The following RFC1 variants were observed in gnomAD, a reference collection of about 807,000 sequenced individuals.
The protein encoded by RFC1 is A1 140 kDa subunit.
Under a neutral mutation model 137.4 loss-of-function variants are expected in RFC1, and 37 were observed. That is an observed-to-expected ratio of 0.27 (90% CI 0.21 to 0.35). The LOEUF (loss-of-function observed/expected upper bound fraction) is 0.35, where lower values mean the gene tolerates loss of function less well. Among genes scored for constraint, RFC1 ranks in the 10% least tolerant of loss-of-function variants. The pLI is 1.00. For synonymous variants in RFC1, 429 were observed against 455.7 expected (o/e 0.94, Z 0.75); for missense variants, 1,205 against 1,358.5 (o/e 0.89, Z 1.78).
intron 4 of RFC1, among the ~76,000 whole-genome samples, chr4:39,330,019 G>A (rs984800129): frequency 3.9e-5 from 6 of 152,038 alleles, no homozygotes; most frequent in Non-Finnish European, 8.8e-5. Flanking sequence ...GGGCGACAGA[G>A]TGAGACTCCC....
intron 1 of RFC1, among the ~76,000 whole-genome samples, chr4:39,365,153 GA>G (rs745527928): frequency 0.071 from 5,638 of 79,814 alleles, 246 homozygotes; most frequent in African/African-American, 0.23. Context: ...GGGTTGAAAT[GA>G]AAAAAAAAAA....
rs750891104 is a variant in RFC1 at position 39,303,661 on chromosome 4, C to T, written c.2111-510G>A. On this transcript the variant is annotated intron_variant, in intron 15 of 24. Coordinates refer to ENST00000349703, the MANE Select transcript of RFC1 (RefSeq NM_002913.5). ...TAGAGACGGTGTTTCACCATGTTGA[C>T]CAGGCTGGTCTCAAACTCCTGACCT... 1.7e-3 allele frequency among the ~76,000 whole-genome samples: 254 copies of T among 152,332 alleles called. 1 individual carries two copies. Among genetic ancestry groups the T allele is most frequent in the Non-Finnish European group, 2.9e-3 (195 of 68,036 alleles).
In RFC1 at chr4:39,351,364, C is replaced by G. The variant is rs771976617; in HGVS notation, c.116G>C (p.Gly39Ala). The G allele has an allele frequency of 1.3e-6, 2 of 1,533,934 alleles. No individual in the cohort carries two copies. The highest frequency in any genetic ancestry group is 8.7e-7 in the Non-Finnish European group (1 of 1,145,430). ...AAAACTAACCTTGATTTCCTTTATT[C>G]CTTTCTTTGCTTTTAAAGTTTCTTC... ...SDEETLKAKKGIKEIKVNSSR... is the reference protein window; with the variant it reads ...SDEETLKAKKAIKEIKVNSSR... The change falls in exon 2 of 25, where the codon GGA (glycine) becomes GCA (alanine). Residue 39 changes from glycine (G) to alanine (A), a missense_variant. Around this residue, in one of 3 missense-constraint regions of RFC1, gnomAD observed 962 missense variants for 1,035.3 expected, o/e 0.93. Coordinates refer to ENST00000349703, the MANE Select transcript of RFC1 (RefSeq NM_002913.5).
chr4:39,299,847 A>G (rs1275616570), intron 21 of RFC1, among the ~76,000 whole-genome samples, 174 bp downstream of exon 21: 1 of 152,032 alleles, frequency 6.6e-6, no homozygotes, highest in African/African-American at 2.4e-5. Context: ...CCCGGGAGGC[A>G]GAGGCTCCAG....
chr4:39,302,213 G>A (rs1215970244), intron 19 of RFC1, 65 bp downstream of exon 19: 37 of 964,184 alleles, frequency 3.8e-5, no homozygotes, highest in Non-Finnish European at 5.9e-5. Flanking sequence ...CTTCTATCAA[G>A]CTACCTACAG....
At chr4:39,339,367 T>C (rs541475492) in intron 4 of RFC1, among the ~76,000 whole-genome samples, 1 of 152,162 alleles carries the variant, frequency 6.6e-6, no homozygotes, top group Non-Finnish European at 1.5e-5. Context: ...CCACCAATGG[T>C]GTATAGGTTC....
chr4:39,308,241 C>T (rs1738783972), intron 13 of RFC1, among the ~76,000 whole-genome samples: 1 of 152,156 alleles, frequency 6.6e-6, no homozygotes, highest in Admixed American at 6.5e-5. Flanking sequence ...ACCCAACACT[C>T]ATCTCTCCCT....
At chr4:39,317,307 T>A (rs1006941267) in intron 9 of RFC1, among the ~76,000 whole-genome samples, 1 of 152,204 alleles carries the variant, frequency 6.6e-6, no homozygotes, top group Non-Finnish European at 1.5e-5. Context: ...ATGCAAAAAG[T>A]GTTTTACTTT....
At chr4:39,347,955 A>G (rs906182593) in intron 2 of RFC1, among the ~76,000 whole-genome samples, 4 of 152,194 alleles carry the variant, frequency 2.6e-5, no homozygotes, top group African/African-American at 9.7e-5. Context: ...ATGAAATCAG[A>G]TATTTAGCTG....
At chr4:39,342,243 A>G in intron 4 of RFC1, 102 bp downstream of exon 4, 1 of 1,320,306 alleles carries the variant, frequency 7.6e-7, no homozygotes, top group Non-Finnish European at 1.0e-6. Flanking sequence ...GCAAAAAGGC[A>G]GTAGAAATTC....
intron 10 of RFC1, among the ~76,000 whole-genome samples, chr4:39,313,621 G>T (rs1396497398): frequency 6.6e-6 from 1 of 152,144 alleles, no homozygotes; most frequent in Non-Finnish European, 1.5e-5. Context: ...GGATTGTGGT[G>T]TGGCATATCT....
At position 39,302,305 on chromosome 4, in the gene RFC1, A is replaced by G. The variant is rs2066782; in HGVS notation, c.2508T>C (p.Ser836=). Residue 836 remains serine (S), a synonymous_variant, in exon 19 of 25, where the codon TCT becomes TCC. Transcript: ENST00000349703. ...ALTYDQAKAD[S]HRAKKDIKMG... is the part of the protein sequence containing the mutation. ...TTTTGATATCCTTTTTGGCTCTGTG[A>G]GAATCAGCTTTGGCCTGGTCATAGG... 0.12 allele frequency: 196,643 copies of G among 1,610,082 alleles called. 13,053 individuals are homozygous for G. Among genetic ancestry groups the G allele is most frequent in the East Asian group, 0.17 (7,765 of 44,812 alleles).
At chr4:39,332,031 GTT>G (rs1423030972) in intron 4 of RFC1, among the ~76,000 whole-genome samples, 1 of 152,194 alleles carries the variant, frequency 6.6e-6, no homozygotes, top group African/African-American at 2.4e-5. Flanking sequence ...ATAAAGGGCA[GTT>G]TCCCTGCACA....
chr4:39,359,272 C>T (rs953493291), intron 1 of RFC1, among the ~76,000 whole-genome samples: 78 of 152,142 alleles, frequency 5.1e-4, no homozygotes, highest in African/African-American at 1.8e-3. Context: ...CACTCTGTGC[C>T]ATGCAATGAT....
intron 4 of RFC1, among the ~76,000 whole-genome samples, chr4:39,337,857 T>C (rs1357802885): frequency 6.6e-6 from 1 of 152,202 alleles, no homozygotes; most frequent in Non-Finnish European, 1.5e-5. Context: ...CGCCAATTTT[T>C]TTCCCATTTA....
intron 23 of RFC1, among the ~76,000 whole-genome samples, chr4:39,290,812 C>CA (rs36119185): frequency 0.55 from 71,555 of 129,904 alleles, 19,502 homozygotes; most frequent in African/African-American, 0.74. Flanking sequence ...TAGACTGTCT[C>CA]AAAAAAAAAA....
intron 21 of RFC1, among the ~76,000 whole-genome samples, chr4:39,299,610 C>CAAAAAAAAAAAAAAAAAAAAAAAAA (rs970461214): frequency 2.5e-5 from 1 of 40,484 alleles, no homozygotes; most frequent in Admixed American, 2.5e-4. Flanking sequence ...AACACTGTCT[C>CAAAAAAAAAAAAAAAAAAAAAAAAA]AAAAAAAAAA....
At chr4:39,348,424 A>AAAG (rs1217669975) in intron 2 of RFC1, among the ~76,000 whole-genome samples, 4 of 71,780 alleles carry the variant, frequency 5.6e-5, no homozygotes, top group African/African-American at 1.9e-4. Context: ...CTCTGTTTCA[A>AAAG]AAAAGAAAAG....
In RFC1 at chr4:39,317,079, A is replaced by C; in HGVS notation, c.1096-57T>G. ...GTCATACAGAATTCATGCAAAATTT[A>C]AAATACATATCTAGAAATAAACATT... On this transcript the variant is annotated intron_variant, in intron 9 of 24. Transcript: ENST00000349703. 4.7e-6 allele frequency: 5 copies of C among 1,053,424 alleles called. No homozygotes were observed. In the South Asian group the frequency reaches 6.6e-5, roughly 14 times the overall value. The allele number at this position is 1,053,424 out of a possible 1,614,324, so 65.3% of individuals were successfully genotyped here. A position where few individuals can be genotyped will look rare whatever the true frequency, so the allele number is the denominator to read the frequency against.
Sources: allele counts gnomAD v4.1 joint callset (sites outside exome capture counted in the v4.1 genomes callset), GRCh38; gene constraint gnomAD v4.1.1; regional missense constraint gnomAD v4.1.1; transcripts MANE v1.5; gene names NCBI Gene and HGNC (gene_info 2026-07-23, HGNC 2026-07-21).